DLG2: variants seen among roughly 807,000 people sequenced by gnomAD.
The protein encoded by DLG2 is discs large MAGUK scaffold protein 2, also known as disks large homolog 2.
Under a neutral mutation model 132.5 loss-of-function variants are expected in DLG2, and 45 were observed. The observed-to-expected ratio is 0.34, with a 90% CI of 0.27 to 0.44. The LOEUF is 0.44. Among genes scored for constraint, DLG2 ranks in the 20% least tolerant of loss-of-function variants. The pLI is 1.00. For synonymous variants in DLG2, 424 were observed against 419.6 expected (o/e 1.01, Z -0.13); for missense variants, 1,045 against 1,196.9 (o/e 0.87, Z 1.87).
At chr11:85,399,034 T>C (rs1242955990) in intron 3 of DLG2, among the ~76,000 whole-genome samples, 10 of 152,164 alleles carry the variant, frequency 6.6e-5, no homozygotes, top group South Asian at 4.1e-4. Context: ...GAAAACCCCA[T>C]TGTCTCAGCC....
At chr11:83,497,862 T>C (rs2138791772) in intron 21 of DLG2, among the ~76,000 whole-genome samples, 1 of 152,036 alleles carries the variant, frequency 6.6e-6, no homozygotes, top group East Asian at 1.9e-4. Flanking sequence ...CTTTTCTAAC[T>C]TTTTTCCCAA....
chr11:84,998,889 T>G (rs1351334881), intron 6 of DLG2, among the ~76,000 whole-genome samples: 1 of 152,116 alleles, frequency 6.6e-6, no homozygotes, highest in Non-Finnish European at 1.5e-5. Context: ...GTAGCCCTGC[T>G]TCGCCTTCTA....
chr11:84,369,501 C>T (rs1327225905), intron 7 of DLG2, among the ~76,000 whole-genome samples: 1 of 152,036 alleles, frequency 6.6e-6, no homozygotes, highest in Non-Finnish European at 1.5e-5. Context: ...GAGAGGCTAA[C>T]TTGTTCAATG....
At chr11:83,509,651 T>C (rs1287502242) in intron 21 of DLG2, among the ~76,000 whole-genome samples, 4 of 152,158 alleles carry the variant, frequency 2.6e-5, no homozygotes, top group Admixed American at 1.3e-4. Flanking sequence ...AATCAAGAAA[T>C]ATACCTTGTG....
At chr11:83,869,546 G>A (rs1595704922) in intron 16 of DLG2, among the ~76,000 whole-genome samples, 1 of 152,170 alleles carries the variant, frequency 6.6e-6, no homozygotes, top group Admixed American at 6.5e-5. Context: ...ATGGAGTTAG[G>A]CCTGCCCTGG....
intron 10 of DLG2, among the ~76,000 whole-genome samples, chr11:84,091,568 C>T (rs2097094654): frequency 6.6e-6 from 1 of 152,200 alleles, no homozygotes; most frequent in South Asian, 2.1e-4. Flanking sequence ...AGACCTGCAA[C>T]AGCAAGCTAC....
intron 6 of DLG2, among the ~76,000 whole-genome samples, chr11:84,557,770 A>C (rs1382957642): frequency 6.6e-6 from 1 of 152,076 alleles, no homozygotes; most frequent in East Asian, 1.9e-4. Flanking sequence ...TTTGGTGCAC[A>C]TATGTAAAAC....
intron 18 of DLG2, among the ~76,000 whole-genome samples, chr11:83,690,758 G>T (rs542375254): frequency 3.9e-5 from 6 of 152,080 alleles, no homozygotes; most frequent in African/African-American, 1.4e-4. Flanking sequence ...TAGTCTATAA[G>T]CCAAGAATGT....
At chr11:84,224,723 T>C (rs2096965213) in intron 8 of DLG2, among the ~76,000 whole-genome samples, 2 of 152,210 alleles carry the variant, frequency 1.3e-5, no homozygotes, top group South Asian at 4.1e-4. Flanking sequence ...TGCTCTTAAC[T>C]ATTATACCAT....
At chr11:84,412,501 T>C (rs1289910092) in intron 7 of DLG2, among the ~76,000 whole-genome samples, 2 of 152,210 alleles carry the variant, frequency 1.3e-5, no homozygotes, top group Non-Finnish European at 2.9e-5. Context: ...ATCTCCACTT[T>C]AGACAAAGCA....
chr11:85,226,731 A>G (rs183668325), intron 4 of DLG2, among the ~76,000 whole-genome samples: 1 of 152,270 alleles, frequency 6.6e-6, no homozygotes, highest in East Asian at 1.9e-4. Context: ...ATTTAACACA[A>G]CAGAAAAAGA....
intron 7 of DLG2, among the ~76,000 whole-genome samples, chr11:84,477,117 T>A (rs750195959): frequency 1.4e-4 from 21 of 152,192 alleles, no homozygotes; most frequent in Non-Finnish European, 2.4e-4. Context: ...AAGCCCAATA[T>A]AAAAATAATG....
At chr11:83,588,272 C>A (rs566051653) in intron 19 of DLG2, among the ~76,000 whole-genome samples, 7 of 150,406 alleles carry the variant, frequency 4.7e-5, no homozygotes, top group African/African-American at 1.5e-4. Flanking sequence ...TCTCCCAGCA[C>A]GCAGCTGGAG....
chr11:83,769,708 C>T (rs564462291), intron 18 of DLG2, among the ~76,000 whole-genome samples: 7 of 152,048 alleles, frequency 4.6e-5, no homozygotes, highest in Admixed American at 6.6e-5. Context: ...GGATTACAGG[C>T]GCCCACCACT....
intron 7 of DLG2, among the ~76,000 whole-genome samples, chr11:84,502,189 T>C (rs1461003798): frequency 4.0e-4 from 5 of 12,516 alleles, no homozygotes; most frequent in South Asian, 7.8e-3. Context: ...TCTCTCTTTC[T>C]CTCTCTCTCT....
intron 6 of DLG2, among the ~76,000 whole-genome samples, chr11:84,637,333 C>T (rs984569278): frequency 2.6e-5 from 4 of 152,210 alleles, no homozygotes. Context: ...CGATGTGTAT[C>T]TCTATCACAG....
chr11:85,186,253 T>C (rs77280020), intron 4 of DLG2, among the ~76,000 whole-genome samples: 4 of 152,064 alleles, frequency 2.6e-5, no homozygotes, highest in South Asian at 2.1e-4. Flanking sequence ...TTAAATAATA[T>C]ATTTCATTTA....
At chr11:84,537,434 A>T (rs1252504968) in intron 6 of DLG2, among the ~76,000 whole-genome samples, 2 of 151,908 alleles carry the variant, frequency 1.3e-5, no homozygotes, top group Non-Finnish European at 2.9e-5. Flanking sequence ...CAACATTCTC[A>T]CTCCAATAAT....
At chr11:83,655,425 G>A (rs148909992) in intron 18 of DLG2, among the ~76,000 whole-genome samples, 60 of 152,248 alleles carry the variant, frequency 3.9e-4, no homozygotes, top group African/African-American at 1.4e-3. Flanking sequence ...AGCCTTTTCT[G>A]TTTAGAAAAG....
Sources: gnomAD v4.1 joint callset for allele counts (sites outside exome capture counted in the v4.1 genomes callset) on GRCh38, gnomAD v4.1.1 for gene constraint, MANE v1.5 for transcripts, NCBI Gene and HGNC (gene_info 2026-07-23, HGNC 2026-07-21) for gene names.